Variants in GRIP1 observed in about 807,000 individuals in gnomAD.
GRIP1 encodes glutamate receptor interacting protein 1, also known as glutamate receptor-interacting protein 1.
A neutral mutation model predicts 129.9 loss-of-function variants in GRIP1; 45 were observed. The ratio of observed to expected loss-of-function variants is 0.35; its 90% CI spans 0.27 to 0.44. GRIP1 has a LOEUF of 0.44. Ranked by LOEUF, GRIP1 falls within the 20% of genes least tolerant of loss-of-function variation. The pLI, the probability that GRIP1 is intolerant of heterozygous loss-of-function variation, is 1.00. For missense variants in GRIP1, 1,196 were observed against 1,396.8 expected, an observed-to-expected ratio of 0.86 and a Z score of 2.29; for synonymous variants, 530 against 520.8, an observed-to-expected ratio of 1.02 and a Z score of -0.24.
intron 7 of GRIP1, among the ~76,000 whole-genome samples, chr12:66,470,949 G>C (rs534745394): frequency 2.6e-5 from 4 of 152,298 alleles, no homozygotes; most frequent in African/African-American, 9.6e-5. Context: ...CTTCAGTCAA[G>C]GGACCAGTTT....
At chr12:66,927,295 T>C (rs963333995) in intron 1 of GRIP1, among the ~76,000 whole-genome samples, 6 of 152,172 alleles carry the variant, frequency 3.9e-5, no homozygotes, top group African/African-American at 1.4e-4. Context: ...AATAAGTATG[T>C]GTGGTATGCT....
At chr12:66,735,994 CAGG>C (rs1446358217) in intron 1 of GRIP1, among the ~76,000 whole-genome samples, 4 of 151,992 alleles carry the variant, frequency 2.6e-5, no homozygotes, top group African/African-American at 9.7e-5. Flanking sequence ...ATGTGGCACC[CAGG>C]AGAAGAAGAG....
intron 23 of GRIP1, among the ~76,000 whole-genome samples, chr12:66,368,662 A>C (rs2055292230): frequency 1.3e-5 from 2 of 152,204 alleles, no homozygotes; most frequent in South Asian, 4.1e-4. Context: ...ACCGCAAAAC[A>C]GTACCTTTCC....
At chr12:66,405,983 A>C (rs1237508417) in intron 16 of GRIP1, among the ~76,000 whole-genome samples, 1 of 152,206 alleles carries the variant, frequency 6.6e-6, no homozygotes, top group Admixed American at 6.5e-5. Flanking sequence ...ACCAATAAAA[A>C]CTAGAAAACT....
intron 14 of GRIP1, among the ~76,000 whole-genome samples, chr12:66,428,051 C>G (rs76441086): frequency 1.5e-3 from 231 of 152,210 alleles, no homozygotes; most frequent in African/African-American, 5.3e-3. Context: ...TGCTTGGCAC[C>G]CTGCAACAAA....
intron 2 of GRIP1, among the ~76,000 whole-genome samples, chr12:66,584,662 C>T (rs2063544298): frequency 6.6e-6 from 1 of 152,088 alleles, no homozygotes; most frequent in Non-Finnish European, 1.5e-5. Context: ...TCACGGGCCT[C>T]AGCATTAGAA....
intron 1 of GRIP1, among the ~76,000 whole-genome samples, chr12:67,015,739 A>G (rs1200642047): frequency 2.6e-5 from 4 of 152,194 alleles, no homozygotes; most frequent in African/African-American, 4.8e-5. Flanking sequence ...ATGGTGAGAG[A>G]GCAATTTCCC....
intron 5 of GRIP1, among the ~76,000 whole-genome samples, chr12:66,527,742 G>C (rs1454159697): frequency 1.3e-5 from 2 of 152,078 alleles, no homozygotes; most frequent in Non-Finnish European, 2.9e-5. Context: ...ACTTATAAGT[G>C]GGTGCTAAGC....
chr12:67,000,233 A>C (rs2042531871), intron 1 of GRIP1, among the ~76,000 whole-genome samples: 1 of 152,102 alleles, frequency 6.6e-6, no homozygotes, highest in South Asian at 2.1e-4. Context: ...CAAAAGGAAT[A>C]CCACATGTGT....
chr12:66,837,722 T>C (rs970679591), intron 1 of GRIP1, among the ~76,000 whole-genome samples: 6 of 151,912 alleles, frequency 3.9e-5, no homozygotes, highest in African/African-American at 9.7e-5. Context: ...TGTAGGGAGG[T>C]AGTTAGAAGC....
intron 1 of GRIP1, among the ~76,000 whole-genome samples, chr12:66,990,933 C>A (rs1455303782): frequency 6.7e-6 from 1 of 150,074 alleles, no homozygotes; most frequent in Non-Finnish European, 1.5e-5. Flanking sequence ...GCCGAGATAG[C>A]GCCATTACGC....
intron 1 of GRIP1, among the ~76,000 whole-genome samples, chr12:66,783,611 T>C (rs948122156): frequency 6.6e-6 from 1 of 152,162 alleles, no homozygotes; most frequent in Non-Finnish European, 1.5e-5. Context: ...CTTAACAACA[T>C]TTGATAAGCA....
intron 1 of GRIP1, among the ~76,000 whole-genome samples, chr12:66,780,509 G>A (rs1230558675): frequency 6.6e-6 from 1 of 152,144 alleles, no homozygotes; most frequent in Non-Finnish European, 1.5e-5. Flanking sequence ...AAACTGCTGG[G>A]AGTGGAATCA....
At chr12:67,029,888 T>A (rs1437070127) in intron 1 of GRIP1, among the ~76,000 whole-genome samples, 1 of 151,786 alleles carries the variant, frequency 6.6e-6, no homozygotes, top group African/African-American at 2.4e-5. Context: ...TATCTACTAA[T>A]GTCCAATAAA....
At chr12:66,827,387 T>TGTGTGTGTGTGAGAGA (rs755458052) in intron 1 of GRIP1, among the ~76,000 whole-genome samples, 44 of 108,292 alleles carry the variant, frequency 4.1e-4, no homozygotes, top group East Asian at 2.5e-3. Flanking sequence ...TGTGTGTGTG[T>TGTGTGTGTGTGAGAGA]GAGAGAGAGA....
chr12:66,744,682 A>G (rs984592614), intron 1 of GRIP1, among the ~76,000 whole-genome samples: 2 of 152,074 alleles, frequency 1.3e-5, no homozygotes, highest in Admixed American at 6.6e-5. Flanking sequence ...CTGTCTTTGC[A>G]CATTAGCCCA....
intron 1 of GRIP1, among the ~76,000 whole-genome samples, chr12:66,903,509 A>G (rs2040877924): frequency 6.6e-6 from 1 of 151,746 alleles, no homozygotes; most frequent in Non-Finnish European, 1.5e-5. Flanking sequence ...TTATTTTTTA[A>G]AGAATATCTC....
chr12:66,989,901 G>A (rs570348789), intron 1 of GRIP1, among the ~76,000 whole-genome samples: 2 of 152,230 alleles, frequency 1.3e-5, no homozygotes, highest in African/African-American at 4.8e-5. Context: ...AAGTGTAAAT[G>A]ATTTAAAAGG....
At chr12:66,391,748 G>C (rs1285020921) in intron 19 of GRIP1, among the ~76,000 whole-genome samples, 1 of 152,130 alleles carries the variant, frequency 6.6e-6, no homozygotes, top group Non-Finnish European at 1.5e-5. Flanking sequence ...CTACTGAGGA[G>C]ACTGAGGCAG....
Sources: allele counts gnomAD v4.1 joint callset (sites outside exome capture counted in the v4.1 genomes callset), GRCh38; gene constraint gnomAD v4.1.1; transcripts MANE v1.5; gene names NCBI Gene and HGNC (gene_info 2026-07-23, HGNC 2026-07-21).